The following GXYLT2 variants were observed in gnomAD, a reference collection of about 807,000 sequenced individuals.
GXYLT2 encodes glycosyltransferase 8 domain containing 4.
Under a neutral mutation model 45.8 loss-of-function variants are expected in GXYLT2, and 53 were observed. The observed-to-expected ratio is 1.16, with a 90% CI of 0.93 to 1.46. GXYLT2 has a LOEUF of 1.46. GXYLT2 is among the 40% of genes most tolerant of loss of function. The pLI is 0.00. For missense variants in GXYLT2, 551 were observed against 544.4 expected, an observed-to-expected ratio of 1.01 and a Z score of -0.12; for synonymous variants, 219 against 214.2, an observed-to-expected ratio of 1.02 and a Z score of -0.19.
rs757737795 is a variant in GXYLT2, at chr3:72,922,335, G to A, written c.600G>A (p.Pro200=). The A allele has an allele frequency of 2.1e-5, 34 of 1,609,992 alleles. 1 individual carries two copies. Among genetic ancestry groups the A allele is most frequent in the South Asian group, 5.5e-5 (5 of 90,132 alleles). The change falls in exon 3 of 7, where the codon CCG becomes CCA. Residue 200 remains proline, a splice_region_variant and synonymous_variant. Transcript: ENST00000389617. ...GTGCTGCCCAGAGACTCTTTCTTCC[G>A]GTAGGAACACCTGTTTTTAATAAGT... ...KPCAAQRLFL[P]VILKDVDSLL...
At chr3:72,920,146 A>G (rs1238251681) in intron 2 of GXYLT2, among the ~76,000 whole-genome samples, 1 of 148,602 alleles carries the variant, frequency 6.7e-6, no homozygotes, top group African/African-American at 2.5e-5. Flanking sequence ...TTATTTTTTT[A>G]TTTTTTGAGA....
intron 6 of GXYLT2, among the ~76,000 whole-genome samples, chr3:72,973,247 A>G (rs1051601893): frequency 2.6e-5 from 4 of 152,176 alleles, no homozygotes; most frequent in Admixed American, 1.3e-4. Context: ...TAAGTCCTAG[A>G]CTTATCAGAT....
rs558244198 is a variant in GXYLT2 at position 72,922,215 on chromosome 3, G to A, written c.480G>A (p.Trp160Ter). The A allele has an allele frequency of 1.9e-6, 3 of 1,613,188 alleles. No individual in the cohort carries two copies. Among genetic ancestry groups the A allele is most frequent in the Non-Finnish European group, 2.5e-6 (3 of 1,179,538 alleles). The change falls in exon 3 of 7, where the codon TGG becomes TGA. Residue 160 changes from tryptophan (W) to a stop codon, truncating the protein, a stop_gained. Transcript: ENST00000389617. LOFTEE classifies it high-confidence loss of function. The part of the protein sequence containing the change: ...KPEFDKQLRQ[W>*]PDSYTKKFEH... Reference sequence around the variant, plus strand: ...CCCATGTTTTTCAGTTACGCCAGTGGCCTGACTCATATACAAAGAAGTTTG... The same window carrying A: ...CCCATGTTTTTCAGTTACGCCAGTGACCTGACTCATATACAAAGAAGTTTG...
At chr3:72,915,589 C>A (rs569672413) in intron 2 of GXYLT2, among the ~76,000 whole-genome samples, 1 of 151,982 alleles carries the variant, frequency 6.6e-6, no homozygotes, top group South Asian at 2.1e-4. Flanking sequence ...GTAATCCCAG[C>A]GCTTTCGGAG....
At chr3:72,904,256 C>A (rs772946837) in intron 1 of GXYLT2, among the ~76,000 whole-genome samples, 3 of 152,260 alleles carry the variant, frequency 2.0e-5, no homozygotes, top group African/African-American at 7.2e-5. Flanking sequence ...CTGCACTCCT[C>A]CCCTGGATCC....
rs1710611242 is a variant in GXYLT2, at chr3:72,955,124, T to C, written c.627T>C (p.Leu209=). The part of the protein sequence containing the change: ...LPVILKDVDS[L]LYVDTDVLFL... The stretch of plus-strand genomic sequence containing the variant: ...TGATTTTAAAGGATGTGGACTCACT[T>C]CTCTACGTGGACACCGATGTCCTCT... The change falls in exon 4 of 7, where the codon CTT becomes CTC. Residue 209 remains leucine (L), a synonymous_variant. Transcript: ENST00000389617. 2.5e-6 allele frequency: 4 copies of C among 1,613,978 alleles called. No individual in the cohort carries two copies. In the East Asian group the frequency reaches 8.9e-5, roughly 36 times the overall value.
intron 1 of GXYLT2, among the ~76,000 whole-genome samples, chr3:72,890,920 G>A (rs570853020): frequency 2.6e-5 from 4 of 152,272 alleles, no homozygotes; most frequent in East Asian, 3.9e-4. Context: ...GCCACAGGAA[G>A]TCTCAGGCTC....
intron 1 of GXYLT2, among the ~76,000 whole-genome samples, chr3:72,906,380 C>A (rs11916444): frequency 0.074 from 11,233 of 152,158 alleles, 1,331 homozygotes; most frequent in African/African-American, 0.25. Context: ...CACCTTAGTG[C>A]GGCCTTTTCC....
intron 2 of GXYLT2, 69 bp from the exon 3 acceptor site, chr3:72,922,135 A>G: frequency 6.9e-7 from 1 of 1,441,730 alleles, no homozygotes; most frequent in Non-Finnish European, 9.5e-7. Context: ...GACCATCCAG[A>G]AGCTTCGCAG....
chr3:72,955,212 G>C lies in GXYLT2; in HGVS notation c.715G>C (p.Ala239Pro). Residue 239 changes from alanine (A) to proline (P), a missense_variant, in exon 4 of 7, where the codon GCC becomes CCC. Physicochemically the swap from Ala to Pro is conservative, Grantham distance 27. Coordinates refer to ENST00000389617, the MANE Select transcript of GXYLT2 (RefSeq NM_001080393.2). ...GCTGTTTAATTCCACCCAGCTTGCA[G>C]CCATGGCCCCTGAGCACGAAATCCC... ...LRLFNSTQLA[A>P]MAPEHEIPKI... The C allele has an allele frequency of 1.2e-6, 2 of 1,614,026 alleles. No homozygotes were observed. Among genetic ancestry groups the C allele is most frequent in the Non-Finnish European group, 1.7e-6 (2 of 1,179,894 alleles).
chr3:72,909,478 A>C (rs1709577897), intron 2 of GXYLT2, among the ~76,000 whole-genome samples: 1 of 152,032 alleles, frequency 6.6e-6, no homozygotes. Flanking sequence ...TATTTCTTTT[A>C]CGAAAATCAG....
At chr3:72,958,726 G>C (rs1710701191) in intron 5 of GXYLT2, among the ~76,000 whole-genome samples, 1 of 150,872 alleles carries the variant, frequency 6.6e-6, no homozygotes, top group South Asian at 2.1e-4. Flanking sequence ...CTGCCTCCTG[G>C]GTTCCGGTAA....
At chr3:72,938,900 A>G (rs1167975426) in intron 3 of GXYLT2, among the ~76,000 whole-genome samples, 1 of 152,190 alleles carries the variant, frequency 6.6e-6, no homozygotes. Flanking sequence ...CTCAGAAGCA[A>G]TCAGAATCTT....
chr3:72,895,421 A>T (rs1202864498), intron 1 of GXYLT2, among the ~76,000 whole-genome samples: 4 of 152,280 alleles, frequency 2.6e-5, no homozygotes, highest in Admixed American at 2.6e-4. Flanking sequence ...GCTACCAGAG[A>T]GTCCTGACTA....
intron 3 of GXYLT2, among the ~76,000 whole-genome samples, chr3:72,949,496 C>CT: frequency 9.3e-6 from 1 of 108,104 alleles, no homozygotes. Flanking sequence ...TTCTTTCTTT[C>CT]TTTTTCTTTT....
chr3:72,946,999 T>C (rs1390892021), intron 3 of GXYLT2, among the ~76,000 whole-genome samples: 1 of 151,712 alleles, frequency 6.6e-6, no homozygotes, highest in Non-Finnish European at 1.5e-5. Flanking sequence ...ACTTTATTAC[T>C]ATTATTGCTA....
At chr3:72,958,942 CTTTTTTTTTT>C (rs58201266) in intron 5 of GXYLT2, among the ~76,000 whole-genome samples, 1 of 138,058 alleles carries the variant, frequency 7.2e-6, no homozygotes, top group African/African-American at 2.7e-5. Context: ...ATTTTTTTTT[CTTTTTTTTTT>C]TTCTTAATGA....
rs1709495910 is a variant in GXYLT2, at chr3:72,905,623, T to C, written c.276-2744T>C. ...TAGGTCTTGTGCAAATGTGCAAGAG[T>C]TTCTTCAGGTTATATATGCAGGAGT... On this transcript the variant is annotated intron_variant, in intron 1 of 6. Coordinates refer to ENST00000389617, the MANE Select transcript of GXYLT2 (RefSeq NM_001080393.2). 2.0e-5 allele frequency among the ~76,000 whole-genome samples: 3 copies of C among 152,078 alleles called. No individual in the cohort carries two copies. The South Asian group carries it at 6.2e-4, about 32-fold the overall frequency.
chr3:72,966,706 T>A (rs1575818009), intron 5 of GXYLT2, among the ~76,000 whole-genome samples: 1 of 151,858 alleles, frequency 6.6e-6, no homozygotes, highest in South Asian at 2.1e-4. Context: ...CTTGGATCAC[T>A]GCAACCTCTG....
Sources: allele counts gnomAD v4.1 joint callset (sites outside exome capture counted in the v4.1 genomes callset), GRCh38; gene constraint gnomAD v4.1.1; transcripts MANE v1.5; gene names NCBI Gene and HGNC (gene_info 2026-07-23, HGNC 2026-07-21).